The following IQSEC2 variants were observed in gnomAD, a reference collection of about 807,000 sequenced individuals.
IQSEC2 encodes IQ motif and Sec7 domain ArfGEF 2.
IQSEC2 carries 6 observed loss-of-function variants against 74.6 expected under a neutral mutation model. The observed-to-expected ratio is 0.08, with a 90% confidence interval of 0.04 to 0.16. IQSEC2 has a LOEUF of 0.16. Among genes scored for constraint, IQSEC2 ranks in the 10% least tolerant of loss-of-function variants. The pLI, the probability that IQSEC2 is intolerant of heterozygous loss-of-function variation, is 1.00. For synonymous variants in IQSEC2, 494 were observed against 544.5 expected (o/e 0.91, Z 1.29); for missense variants, 734 against 1,306.2 (o/e 0.56, Z 6.75).
chrX:53,297,417 C>A (rs1426566601), intron 1 of IQSEC2, among the ~76,000 whole-genome samples: 2 of 110,737 alleles, frequency 1.8e-5, no homozygotes, highest in Non-Finnish European at 3.8e-5. Context: ...GCCTCAACTT[C>A]CTGGGCTCAA....
At chrX:53,243,248 G>T in intron 9 of IQSEC2, 84 bp downstream of exon 9, 1 of 835,417 alleles carries the variant, frequency 1.2e-6, no homozygotes, top group Non-Finnish European at 1.7e-6. Context: ...GGCACCTGGG[G>T]CTCAGGGAGG....
chrX:53,314,825 A>T (rs880441), intron 1 of IQSEC2, among the ~76,000 whole-genome samples: 1 of 110,114 alleles, frequency 9.1e-6, no homozygotes, highest in Non-Finnish European at 1.9e-5. Context: ...CTTGATGGAG[A>T]GAGAGCAGGA....
At chrX:53,310,615 A>G (rs1401488603) in intron 1 of IQSEC2, among the ~76,000 whole-genome samples, 1 of 110,520 alleles carries the variant, frequency 9.0e-6, no homozygotes, top group Non-Finnish European at 1.9e-5. Context: ...CCCGGGGTAG[A>G]GCTGCCCAGC....
chrX:53,278,159 C>T (rs868910844), intron 2 of IQSEC2, among the ~76,000 whole-genome samples: 36 of 107,949 alleles, frequency 3.3e-4, no homozygotes, highest in Non-Finnish European at 5.6e-4. Flanking sequence ...TACAGGCACC[C>T]GCCACCATGC....
At chrX:53,284,074 G>T (rs1386434542) in intron 2 of IQSEC2, among the ~76,000 whole-genome samples, 1 of 111,091 alleles carries the variant, frequency 9.0e-6, no homozygotes, top group Admixed American at 9.6e-5. Flanking sequence ...CTCTGTCGGG[G>T]TTTCCGTATC....
At chrX:53,246,861 C>T in intron 8 of IQSEC2, 108 bp downstream of exon 8, 1 of 695,777 alleles carries the variant, frequency 1.4e-6, no homozygotes, top group Non-Finnish European at 2.2e-6. Context: ...AAAGTGACAG[C>T]ATCACAAATT....
chrX:53,296,324 C>T (rs1026872667), intron 1 of IQSEC2, among the ~76,000 whole-genome samples: 2 of 111,090 alleles, frequency 1.8e-5, no homozygotes, highest in Admixed American at 9.5e-5. Flanking sequence ...CGTGAGCCAC[C>T]GCGCCTGGCC....
At chrX:53,287,786 C>G (rs782092221) in intron 2 of IQSEC2, among the ~76,000 whole-genome samples, 1 of 112,517 alleles carries the variant, frequency 8.9e-6, no homozygotes, top group East Asian at 2.8e-4. Flanking sequence ...TAGGGGTCAC[C>G]CACTTCCTGG....
intron 1 of IQSEC2, among the ~76,000 whole-genome samples, chrX:53,305,840 C>A (rs781924382): frequency 3.6e-5 from 4 of 111,306 alleles, no homozygotes; most frequent in Non-Finnish European, 7.5e-5. Flanking sequence ...GTCTCCCCAC[C>A]ACACAGTGCA....
At chrX:53,241,668 G>A in intron 10 of IQSEC2, 116 bp downstream of exon 10, 2 of 1,048,060 alleles carry the variant, frequency 1.9e-6, no homozygotes, top group East Asian at 3.1e-5. Context: ...TGGCATGGCA[G>A]AACACCTCGC....
intron 2 of IQSEC2, among the ~76,000 whole-genome samples, chrX:53,260,445 C>T (rs1556866285): frequency 8.9e-6 from 1 of 111,884 alleles, no homozygotes; most frequent in African/African-American, 3.3e-5. Context: ...TTGGCTTTTG[C>T]TCTGATTGAG....
chrX:53,284,690 G>A (rs907412533), intron 2 of IQSEC2, among the ~76,000 whole-genome samples: 14 of 111,684 alleles, frequency 1.3e-4, no homozygotes, highest in Non-Finnish European at 2.6e-4. Context: ...TCTCTGTCGG[G>A]AGCTCTGTGA....
At chrX:53,238,120 G>A (rs1556860113) in intron 12 of IQSEC2, 25 bp downstream of exon 12, 2 of 1,187,648 alleles carry the variant, frequency 1.7e-6, no homozygotes, top group South Asian at 1.8e-5. Context: ...GGAGAGCAGG[G>A]AGGAGACATG....
chrX:53,269,221 A>C (rs782802931), intron 2 of IQSEC2, among the ~76,000 whole-genome samples: 1 of 112,111 alleles, frequency 8.9e-6, no homozygotes, highest in Non-Finnish European at 1.9e-5. Flanking sequence ...CTTCCTAAGG[A>C]AGTCCTAGCC....
Position 53,279,569 on chromosome X carries a change from C to G in IQSEC2, c.737+12326G>C, listed in dbSNP as rs1246219825. 2 of 1,174,779 alleles carry G rather than the reference C, an allele frequency of 1.7e-6. No individual in the cohort carries two copies. The highest frequency in any genetic ancestry group is 2.3e-6 in the Non-Finnish European group (2 of 865,445). On this transcript the variant is annotated intron_variant, in intron 2 of 14. Coordinates refer to ENST00000642864, the MANE Select transcript of IQSEC2 (RefSeq NM_001111125.3). ...GGGATGGGTCTAGCTCTTACCTGCT[C>G]TCTGCCAGCCTGCCTGAGGGGGTAA...
chrX:53,250,848 G>A lies in IQSEC2; in HGVS notation c.1728C>T (p.Pro576=), dbSNP rs782207257. ...GGAAATCCCGGCACTCCAAGCACCCGGGACCCCTGCGAGTGCCTTCCTCAC... is the reference window on the plus strand; with the variant it reads ...GGAAATCCCGGCACTCCAAGCACCCAGGACCCCTGCGAGTGCCTTCCTCAC... ...GSREEGTRRG[P]GCLECRDFRL... is the part of the protein sequence containing the mutation. The change falls in exon 5 of 15, where the codon CCC becomes CCT. Residue 576 remains proline, a synonymous_variant. Coordinates refer to ENST00000642864, the MANE Select transcript of IQSEC2 (RefSeq NM_001111125.3). The A allele has an allele frequency of 2.6e-5, 32 of 1,208,504 alleles. No individual in the cohort carries two copies. The highest frequency in any genetic ancestry group is 1.4e-4 in the South Asian group (8 of 56,566).
intron 2 of IQSEC2, among the ~76,000 whole-genome samples, chrX:53,258,715 C>T (rs1334830593): frequency 7.2e-5 from 8 of 110,719 alleles, no homozygotes; most frequent in Admixed American, 1.9e-4. Context: ...ATTAGCCGGG[C>T]GTGGTGGTGG....
chrX:53,308,163 C>CAAAAAAAAAAAAAAAAAAAA, intron 1 of IQSEC2, among the ~76,000 whole-genome samples: 1 of 37,775 alleles, frequency 2.6e-5, no homozygotes, highest in Non-Finnish European at 4.3e-5. Context: ...GACTCCATCT[C>CAAAAAAAAAAAAAAAAAAAA]AAAAAAAAAA....
chrX:53,292,612 T>C (rs1271437494), intron 1 of IQSEC2, among the ~76,000 whole-genome samples: 1 of 111,654 alleles, frequency 9.0e-6, no homozygotes, highest in Non-Finnish European at 1.9e-5. Context: ...GCCGTTTTCA[T>C]TGTGAGGCCT....
Sources: allele counts gnomAD v4.1 joint callset (sites outside exome capture counted in the v4.1 genomes callset), GRCh38; gene constraint gnomAD v4.1.1; transcripts MANE v1.5; gene names NCBI Gene and HGNC (gene_info 2026-07-23, HGNC 2026-07-21).